Variants in CFAP251 observed in about 807,000 individuals in gnomAD.
CFAP251 encodes the protein cilia- and flagella-associated protein 251.
CFAP251 carries 93 observed loss-of-function variants against 126.7 expected under a neutral mutation model. The ratio of observed to expected loss-of-function variants is 0.73; its 90% CI spans 0.62 to 0.87. The LOEUF (loss-of-function observed/expected upper bound fraction) is 0.87, where lower values mean the gene tolerates loss of function less well. Among genes scored for constraint, CFAP251 ranks in the 40% least tolerant of loss-of-function variants. The probability of loss-of-function intolerance (pLI) is 0.00; values close to 1 mark genes in which losing one functional copy is unlikely to be tolerated. For synonymous variants in CFAP251, 503 were observed against 506.9 expected, an observed-to-expected ratio of 0.99 and a Z score of 0.10; for missense variants, 1,287 against 1,389.2, an observed-to-expected ratio of 0.93 and a Z score of 1.17.
At chr12:121,947,476 T>G (rs1268750402) in intron 7 of CFAP251, among the ~76,000 whole-genome samples, 1 of 152,106 alleles carries the variant, frequency 6.6e-6, no homozygotes, top group Non-Finnish European at 1.5e-5. Context: ...TTTCTTTTCT[T>G]TTTTTTGAGA....
At chr12:121,949,481 GT>G (rs35166640) in intron 8 of CFAP251, 4,576 of 122,962 alleles carry the variant, frequency 0.037, 157 homozygotes, top group African/African-American at 0.12. Context: ...AATACAGCAG[GT>G]TTTTTTTTTT....
intron 10 of CFAP251, among the ~76,000 whole-genome samples, chr12:121,956,192 A>C (rs1212236998): frequency 1.3e-5 from 2 of 152,186 alleles, no homozygotes; most frequent in Non-Finnish European, 2.9e-5. Flanking sequence ...GATCACACTA[A>C]CAGTAGTGCC....
intron 16 of CFAP251, 144 bp from the exon 17 acceptor site, chr12:121,967,862 T>C: frequency 1.4e-6 from 1 of 739,536 alleles, no homozygotes; most frequent in South Asian, 1.9e-5. Context: ...CCAGCTACAT[T>C]AAATGTGGCT....
intron 15 of CFAP251, among the ~76,000 whole-genome samples, chr12:121,965,273 A>G (rs967929404): frequency 3.3e-5 from 5 of 152,354 alleles, no homozygotes; most frequent in Admixed American, 6.5e-5. Flanking sequence ...GCAAAGATAA[A>G]AATGATTGAT....
In CFAP251 at chr12:121,960,264, T is replaced by C. The variant is rs573835180; in HGVS notation, c.2134-321T>C. Among the ~76,000 whole-genome samples, 5 of 152,258 alleles carry C rather than the reference T, an allele frequency of 3.3e-5. No individual in the cohort carries two copies. The East Asian group carries it at 7.7e-4, about 23-fold the overall frequency. Reference sequence around the variant, plus strand: ...TTTTTGATAGGGTCCTGCTCTGTTGTACAGGCTGAAGTGCAACAGATCTTG... The same window carrying C: ...TTTTTGATAGGGTCCTGCTCTGTTGCACAGGCTGAAGTGCAACAGATCTTG... On this transcript the variant is annotated intron_variant, in intron 13 of 21. Transcript: ENST00000288912.
intron 15 of CFAP251, among the ~76,000 whole-genome samples, chr12:121,963,409 G>T (rs1196155767): frequency 4.6e-5 from 7 of 151,918 alleles, no homozygotes; most frequent in African/African-American, 1.7e-4. Flanking sequence ...ATTCAGGTGG[G>T]AACCCACGAA....
At chr12:121,979,577 T>TTTTTTTTG in intron 19 of CFAP251, among the ~76,000 whole-genome samples, 1 of 143,828 alleles carries the variant, frequency 7.0e-6, no homozygotes, top group Non-Finnish European at 1.5e-5. Context: ...TTTTTTTTTT[T>TTTTTTTTG]TTTTTGAGAC....
At position 122,001,570 on chromosome 12, in the gene CFAP251, A is replaced by G; in HGVS notation, c.3309A>G (p.Lys1103=). The change falls in exon 21 of 22, where the codon AAA becomes AAG. Residue 1103 remains lysine, a synonymous_variant. Coordinates refer to ENST00000288912, the MANE Select transcript of CFAP251 (RefSeq NM_144668.6). ...SLFGLNPEGW[K]SEPATCSVKG... is the part of the protein sequence containing the mutation. ...TTGGCCTGAATCCCGAGGGATGGAA[A>G]TCCGAGCCTGCAACCTGCTCCGTCA... 6.2e-7 allele frequency: 1 copy of G among 1,614,048 alleles called. No homozygotes were observed. Among genetic ancestry groups the G allele is most frequent in the South Asian group, 1.1e-5 (1 of 91,080 alleles).
intron 19 of CFAP251, among the ~76,000 whole-genome samples, chr12:121,982,456 C>T (rs1232770712): frequency 1.3e-5 from 2 of 151,856 alleles, no homozygotes; most frequent in African/African-American, 4.8e-5. Context: ...CTCAGTTCAC[C>T]GCACCTCCAC....
intron 8 of CFAP251, chr12:121,950,770 C>G (rs1339448041): frequency 1.3e-5 from 2 of 150,896 alleles, no homozygotes; most frequent in Non-Finnish European, 3.0e-5. Context: ...GTTGGCCAGG[C>G]TTGTCTCAAA....
intron 7 of CFAP251, 64 bp from the exon 8 acceptor site, chr12:121,948,920 A>G: frequency 1.1e-6 from 1 of 930,424 alleles, no homozygotes; most frequent in South Asian, 1.6e-5. Context: ...ATTTAATTTT[A>G]ACATTCAGCT....
chr12:121,935,998 T>C (rs1183881941), intron 5 of CFAP251, among the ~76,000 whole-genome samples: 1 of 152,220 alleles, frequency 6.6e-6, no homozygotes, highest in Non-Finnish European at 1.5e-5. Context: ...AAGGTGGAAT[T>C]TCCGTGGGCT....
chr12:121,953,270 G>A (rs1236087617), intron 9 of CFAP251: 2 of 152,070 alleles, frequency 1.3e-5, no homozygotes, highest in Admixed American at 6.6e-5. Flanking sequence ...AAACAACATG[G>A]CACTAAATAG....
At chr12:121,930,609 A>G (rs1454379027) in intron 3 of CFAP251, among the ~76,000 whole-genome samples, 1 of 152,200 alleles carries the variant, frequency 6.6e-6, no homozygotes, top group Non-Finnish European at 1.5e-5. Context: ...TCATTTCATA[A>G]AATTTTAATT....
intron 19 of CFAP251, among the ~76,000 whole-genome samples, chr12:121,980,173 C>G (rs879900141): frequency 6.6e-6 from 1 of 152,224 alleles, no homozygotes; most frequent in Non-Finnish European, 1.5e-5. Context: ...GTTGGCCAGG[C>G]GTGGGCACTC....
chr12:121,934,163 T>C, intron 4 of CFAP251, 84 bp from the exon 5 acceptor site: 2 of 1,031,100 alleles, frequency 1.9e-6, no homozygotes, highest in Non-Finnish European at 2.8e-6. Context: ...CAGATCTTTC[T>C]GTGGGTCCCC....
At chr12:121,933,936 G>A (rs1025686092) in intron 4 of CFAP251, among the ~76,000 whole-genome samples, 3 of 152,208 alleles carry the variant, frequency 2.0e-5, no homozygotes, top group African/African-American at 7.2e-5. Context: ...GTGACTCAGA[G>A]TGGCTGGGGG....
At chr12:121,934,828 A>G (rs1394301753) in intron 5 of CFAP251, among the ~76,000 whole-genome samples, 1 of 152,196 alleles carries the variant, frequency 6.6e-6, no homozygotes, top group African/African-American at 2.4e-5. Context: ...TATAGTACAG[A>G]CAGGGTCTCG....
At chr12:121,988,297 A>C (rs929712533) in intron 19 of CFAP251, among the ~76,000 whole-genome samples, 1 of 152,232 alleles carries the variant, frequency 6.6e-6, no homozygotes, top group African/African-American at 2.4e-5. Context: ...TGGTTTTTAG[A>C]ATGTCCACCG....
Sources: gnomAD v4.1 joint callset for allele counts (sites outside exome capture counted in the v4.1 genomes callset) on GRCh38, gnomAD v4.1.1 for gene constraint, MANE v1.5 for transcripts, NCBI Gene and HGNC (gene_info 2026-07-23, HGNC 2026-07-21) for gene names.